Variants in ZBTB8A observed in about 807,000 individuals in gnomAD.
ZBTB8A encodes the protein zinc finger and BTB domain-containing protein 8A.
ZBTB8A carries 19 observed loss-of-function variants against 37.8 expected under a neutral mutation model. The ratio of observed to expected loss-of-function variants is 0.50; its 90% confidence interval spans 0.35 to 0.74. ZBTB8A has a LOEUF of 0.74. Among genes scored for constraint, ZBTB8A ranks in the 30% least tolerant of loss-of-function variants. The pLI, the probability that ZBTB8A is intolerant of heterozygous loss-of-function variation, is 0.01. For missense variants in ZBTB8A, 394 were observed against 537.8 expected (o/e 0.73, Z 2.65); for synonymous variants, 181 against 185.2 (o/e 0.98, Z 0.19).
At chr1:32,574,548 G>A (rs1339217522) in intron 2 of ZBTB8A, among the ~76,000 whole-genome samples, 2 of 152,152 alleles carry the variant, frequency 1.3e-5, no homozygotes, top group Non-Finnish European at 2.9e-5. Flanking sequence ...AGTGAGCTAT[G>A]ATTGCAGCCC....
chr1:32,560,615 CTTTTTTTTTTT>C lies in ZBTB8A; in HGVS notation c.-2+7089_-2+7099del, dbSNP rs1170510859. Among the ~76,000 whole-genome samples the C allele has an allele frequency of 3.6e-4, 33 of 90,794 alleles. 1 individual carries two copies. Among genetic ancestry groups the C allele is most frequent in the African/African-American group, 1.3e-3 (29 of 22,214 alleles). 59.6% of individuals were successfully genotyped at this position (90,794 alleles called of 152,430 possible). A position where few individuals can be genotyped will look rare whatever the true frequency, so the allele number is the denominator to read the frequency against. ...CTTTCTTTTTTCTTTTCTTTTCTTTCTTTTTTTTTTTTTTTTTTTTTTTTGAGATGTAGTCT... is the reference window on the plus strand; with the variant it reads ...CTTTCTTTTTTCTTTTCTTTTCTTTCTTTTTTTTTTTTTGAGATGTAGTCT... On this transcript the variant is annotated intron_variant, in intron 2 of 4. Coordinates refer to ENST00000373510, the MANE Select transcript of ZBTB8A (RefSeq NM_001040441.3).
At chr1:32,542,940 T>C (rs1408761393) in intron 1 of ZBTB8A, among the ~76,000 whole-genome samples, 1 of 152,230 alleles carries the variant, frequency 6.6e-6, no homozygotes, top group Non-Finnish European at 1.5e-5. Flanking sequence ...TTCCATGACC[T>C]AATCACATAA....
At chr1:32,563,444 C>CTTCTTT (rs1644257968) in intron 2 of ZBTB8A, among the ~76,000 whole-genome samples, 2 of 152,156 alleles carry the variant, frequency 1.3e-5, no homozygotes, top group Middle Eastern at 3.4e-3. Context: ...GGGCTGACAC[C>CTTCTTT]TTCTTTTTCT....
rs752192897 is a variant in ZBTB8A at position 32,595,105 on chromosome 1, A to G, written c.875A>G (p.Lys292Arg). The change falls in exon 4 of 5, where the codon AAG (lysine) becomes AGG (arginine). Residue 292 changes from lysine (K) to arginine (R), a missense_variant. Lys to Arg is a conservative substitution (Grantham distance 26). Coordinates refer to ENST00000373510, the MANE Select transcript of ZBTB8A (RefSeq NM_001040441.3). Reference protein sequence around the residue: ...FKCPYCTHVVKRKADLKRHLR... With the variant: ...FKCPYCTHVVRRKADLKRHLR... ...TGCCCGTACTGCACACATGTGGTGA[A>G]GCGGAAGGCAGACCTAAAGCGCCAC... 6.2e-7 allele frequency: 1 copy of G among 1,614,220 alleles called. No homozygotes were observed.
At chr1:32,581,459 C>T (rs891371819) in intron 2 of ZBTB8A, among the ~76,000 whole-genome samples, 1 of 150,040 alleles carries the variant, frequency 6.7e-6, no homozygotes, top group African/African-American at 2.5e-5. Flanking sequence ...TCAAGCGATT[C>T]TTCTGCCTCA....
chr1:32,554,744 G>A (rs1425442519), intron 2 of ZBTB8A, among the ~76,000 whole-genome samples: 1 of 151,988 alleles, frequency 6.6e-6, no homozygotes, highest in Non-Finnish European at 1.5e-5. Flanking sequence ...CTCCCAAAGC[G>A]CTGGGATTAC....
At chr1:32,595,481 G>A (rs980074284) in intron 4 of ZBTB8A, among the ~76,000 whole-genome samples, 1 of 151,836 alleles carries the variant, frequency 6.6e-6, no homozygotes, top group African/African-American at 2.4e-5. Context: ...TGGCCTGGCT[G>A]GTCTCAAACA....
chr1:32,544,590 A>G (rs753480158), intron 1 of ZBTB8A, among the ~76,000 whole-genome samples: 1 of 152,204 alleles, frequency 6.6e-6, no homozygotes, highest in African/African-American at 2.4e-5. Flanking sequence ...CCGGCTACTC[A>G]GGAGGCTGAG....
rs116826715 is a variant in ZBTB8A, at chr1:32,584,887, G to C, written c.-1-8044G>C. Among the ~76,000 whole-genome samples, 1,392 of 151,974 alleles carry C rather than the reference G, an allele frequency of 9.2e-3. 30 individuals carry two copies. The highest frequency in any genetic ancestry group is 0.031 in the African/African-American group (1,282 of 41,354). On this transcript the variant is annotated intron_variant, in intron 2 of 4. Transcript: ENST00000373510. Reference sequence around the variant, plus strand: ...TCAGCAAATGACGCCTGCTGTCATAGCCTCTTTTCCACACTTTATGGGAGA... The same window carrying C: ...TCAGCAAATGACGCCTGCTGTCATACCCTCTTTTCCACACTTTATGGGAGA...
chr1:32,570,160 C>G (rs1644313869), intron 2 of ZBTB8A, among the ~76,000 whole-genome samples: 1 of 152,094 alleles, frequency 6.6e-6, no homozygotes, highest in Non-Finnish European at 1.5e-5. Flanking sequence ...TGAACCTTTC[C>G]CCATTCAGTG....
At position 32,605,744 on chromosome 1, in the gene ZBTB8A, C is replaced by A. The variant is rs555356522; in HGVS notation, c.*5325C>A. The A allele has an allele frequency of 1.5e-4, 21 of 141,462 alleles. No individual in the cohort carries two copies. The highest frequency in any genetic ancestry group is 6.0e-4 in the African/African-American group (21 of 35,204). The allele number at this position is 141,462 out of a possible 1,614,324, so 8.8% of individuals were successfully genotyped here. A position where few individuals can be genotyped will look rare whatever the true frequency, so the allele number is the denominator to read the frequency against. ...AAAAAAAAAAAAGAACCTAAGACAA[C>A]CCAGTGAAATGGTAGCAAAAAATAG... On this transcript the variant is annotated 3_prime_UTR_variant, in exon 5 of 5. Coordinates refer to ENST00000373510, the MANE Select transcript of ZBTB8A (RefSeq NM_001040441.3).
chr1:32,562,590 T>G (rs1413134398), intron 2 of ZBTB8A, among the ~76,000 whole-genome samples: 21 of 137,122 alleles, frequency 1.5e-4, no homozygotes, highest in Non-Finnish European at 2.5e-4. Context: ...TTTTTTTTTT[T>G]TGATGAGACG....
intron 2 of ZBTB8A, among the ~76,000 whole-genome samples, chr1:32,580,688 T>C (rs1644396632): frequency 6.6e-6 from 1 of 152,166 alleles, no homozygotes; most frequent in Non-Finnish European, 1.5e-5. Context: ...CAACTGGACT[T>C]CTAGGAATCA....
chr1:32,544,629 G>A (rs1372822629), intron 1 of ZBTB8A, among the ~76,000 whole-genome samples: 3 of 152,226 alleles, frequency 2.0e-5, no homozygotes, highest in African/African-American at 7.2e-5. Context: ...CCCAGGAGGC[G>A]AAGGTTGCAG....
At chr1:32,539,958 C>T (rs1644038728) in intron 1 of ZBTB8A, among the ~76,000 whole-genome samples, 1 of 150,798 alleles carries the variant, frequency 6.6e-6, no homozygotes, top group Non-Finnish European at 1.5e-5. Flanking sequence ...GCGGCCGCCG[C>T]GGGGGCGCGC....
intron 1 of ZBTB8A, among the ~76,000 whole-genome samples, 166 bp downstream of exon 1, chr1:32,539,738 GA>G (rs1557697383): frequency 0.13 from 152 of 1,178 alleles, 5 homozygotes; most frequent in South Asian, 0.21. Context: ...AGCGCGGCGG[GA>G]GGCGCCCGGG....
intron 2 of ZBTB8A, among the ~76,000 whole-genome samples, chr1:32,566,119 G>C (rs757934587): frequency 5.9e-5 from 9 of 151,412 alleles, no homozygotes; most frequent in Non-Finnish European, 1.3e-4. Context: ...GGAGAATGGC[G>C]TGAACCCAGG....
chr1:32,600,474 A>C lies in ZBTB8A; in HGVS notation c.*55A>C. ...TCTGCAATTTACATTGACTTCCTGT[A>C]TCTCTCTCTTTCTATGGTCGGAGTC... On this transcript the variant is annotated 3_prime_UTR_variant, in exon 5 of 5. Coordinates refer to ENST00000373510, the MANE Select transcript of ZBTB8A (RefSeq NM_001040441.3). 7.6e-7 allele frequency: 1 copy of C among 1,312,630 alleles called. No homozygotes were observed. Among genetic ancestry groups the C allele is most frequent in the South Asian group, 1.3e-5 (1 of 74,290 alleles). 81.3% of individuals were successfully genotyped at this position (1,312,630 alleles called of 1,614,324 possible). A position where few individuals can be genotyped will look rare whatever the true frequency, so the allele number is the denominator to read the frequency against.
At chr1:32,573,096 G>T (rs1450793830) in intron 2 of ZBTB8A, among the ~76,000 whole-genome samples, 69 of 138,010 alleles carry the variant, frequency 5.0e-4, no homozygotes, top group African/African-American at 1.7e-3. Context: ...TTTGAGACTG[G>T]GTCTCCCTCT....
Sources: allele counts gnomAD v4.1 joint callset (sites outside exome capture counted in the v4.1 genomes callset), GRCh38; gene constraint gnomAD v4.1.1; transcripts MANE v1.5; gene names NCBI Gene and HGNC (gene_info 2026-07-23, HGNC 2026-07-21).